SPP2: variants seen among roughly 807,000 people sequenced by gnomAD.
SPP2 encodes secreted phosphoprotein 2.
A neutral mutation model predicts 28.8 loss-of-function variants in SPP2; 34 were observed. The ratio of observed to expected loss-of-function variants is 1.18; its 90% CI spans 0.90 to 1.57. The LOEUF is 1.57. SPP2 is among the 40% of genes most tolerant of loss of function. SPP2 has a pLI of 0.00. For missense variants in SPP2, 269 were observed against 263.9 expected, an observed-to-expected ratio of 1.02 and a Z score of -0.13; for synonymous variants, 96 against 89.4, an observed-to-expected ratio of 1.07 and a Z score of -0.42.
At chr2:234,051,978 G>A (rs547489421) in intron 2 of SPP2, among the ~76,000 whole-genome samples, 31 of 152,136 alleles carry the variant, frequency 2.0e-4, no homozygotes, top group Non-Finnish European at 4.1e-4. Context: ...TAGAGCACAT[G>A]GCTCATGATT....
At chr2:234,072,381 T>A (rs1014431002) in intron 7 of SPP2, among the ~76,000 whole-genome samples, 12 of 152,080 alleles carry the variant, frequency 7.9e-5, no homozygotes, top group African/African-American at 2.4e-4. Context: ...TTTTTATAAA[T>A]GTAAATGATA....
Position 234,051,014 on chromosome 2 carries a change from C to T in SPP2, c.129C>T (p.Ala43=). The T allele has an allele frequency of 1.2e-6, 2 of 1,613,970 alleles. No individual in the cohort carries two copies. The highest frequency in any genetic ancestry group is 1.7e-6 in the Non-Finnish European group (2 of 1,179,948). The change falls in exon 2 of 8, where the codon GCC becomes GCT. Residue 43 remains alanine, a synonymous_variant. Coordinates refer to ENST00000168148, the MANE Select transcript of SPP2 (RefSeq NM_006944.3). The part of the protein sequence containing the change: ...YDYDPSSLRD[A]LSASVVKVNS... ...ACGATCCATCCTCCTTAAGGGATGC[C>T]CTCAGTGCCTCTGTGGTAAAAGTGA... is the stretch of plus-strand genomic sequence containing the variant.
In SPP2 at chr2:234,050,744, C is replaced by A; in HGVS notation, c.-43C>A. ...GCTCCTCTTAGGAAGAACTGTCATC[C>A]CCAAACACATAGAGAGACACTCTCT... On this transcript the variant is annotated 5_prime_UTR_variant, in exon 1 of 8. Coordinates refer to ENST00000168148, the MANE Select transcript of SPP2 (RefSeq NM_006944.3). The A allele has an allele frequency of 6.4e-7, 1 of 1,571,400 alleles. No individual in the cohort carries two copies. Among genetic ancestry groups the A allele is most frequent in the Non-Finnish European group, 8.8e-7 (1 of 1,142,152 alleles).
chr2:234,050,928 C>T, intron 1 of SPP2, 43 bp from the exon 2 acceptor site: 1 of 1,613,936 alleles, frequency 6.2e-7, no homozygotes, highest in South Asian at 1.1e-5. Flanking sequence ...CATGCTGGCG[C>T]CTGTGTCTTG....
At chr2:234,052,962 A>C (rs1313794804) in intron 2 of SPP2, among the ~76,000 whole-genome samples, 2 of 152,198 alleles carry the variant, frequency 1.3e-5, no homozygotes, top group Non-Finnish European at 1.5e-5. Flanking sequence ...CTACCCTAGC[A>C]GACATGAGGG....
intron 2 of SPP2, among the ~76,000 whole-genome samples, chr2:234,054,169 A>G (rs1337726409): frequency 1.3e-5 from 2 of 152,180 alleles, no homozygotes; most frequent in African/African-American, 4.8e-5. Context: ...GTGAGCTGGC[A>G]GAGTCAGTGG....
In SPP2 at chr2:234,074,426, C is replaced by T. The variant is rs28904016; in HGVS notation, c.*11-2419C>T. ...TCCACTTTCAGGTGTCAGACTCATT[C>T]GTGACAACTTCTTGTCATGGTCTCC... On this transcript the variant is annotated intron_variant, in intron 7 of 7. Coordinates refer to ENST00000168148, the MANE Select transcript of SPP2 (RefSeq NM_006944.3). Among the ~76,000 whole-genome samples the T allele has an allele frequency of 1.2e-3, 190 of 152,294 alleles. 1 individual carries two copies. The highest frequency in any genetic ancestry group is 4.3e-3 in the African/African-American group (178 of 41,562).
chr2:234,053,995 G>A (rs1387832317), intron 2 of SPP2, among the ~76,000 whole-genome samples: 1 of 152,222 alleles, frequency 6.6e-6, no homozygotes, highest in African/African-American at 2.4e-5. Context: ...ATTTCCAATA[G>A]TGGAGAGTAC....
chr2:234,064,564 T>A (rs1195785380), intron 4 of SPP2, among the ~76,000 whole-genome samples: 1 of 152,224 alleles, frequency 6.6e-6, no homozygotes, highest in Non-Finnish European at 1.5e-5. Flanking sequence ...AAATACATTT[T>A]GGTGGAGATA....
chr2:234,076,186 C>A (rs558908443), intron 7 of SPP2, among the ~76,000 whole-genome samples: 14 of 152,160 alleles, frequency 9.2e-5, no homozygotes, highest in Non-Finnish European at 1.6e-4. Flanking sequence ...CCCACACACC[C>A]GACAGTGTGC....
chr2:234,074,377 C>T lies in SPP2; in HGVS notation c.*11-2468C>T, dbSNP rs115998139. On this transcript the variant is annotated intron_variant, in intron 7 of 7. Coordinates refer to ENST00000168148, the MANE Select transcript of SPP2 (RefSeq NM_006944.3). ...GGACCGGTCCCTAAAACCTGCACCA[C>T]CACCGCCAGCTTTCTGAGTGATTTC... 6.1e-3 allele frequency among the ~76,000 whole-genome samples: 922 copies of T among 152,272 alleles called. 9 individuals are homozygous for T. Among genetic ancestry groups the T allele is most frequent in the African/African-American group, 0.021 (857 of 41,542 alleles).
At chr2:234,072,036 G>A (rs949111620) in intron 7 of SPP2, among the ~76,000 whole-genome samples, 1 of 152,102 alleles carries the variant, frequency 6.6e-6, no homozygotes, top group Middle Eastern at 3.2e-3. Context: ...CCACTGTCCC[G>A]CAGTGCCCTG....
chr2:234,059,110 T>G, intron 3 of SPP2, 152 bp downstream of exon 3: 1 of 912,212 alleles, frequency 1.1e-6, no homozygotes. Flanking sequence ...GTGGGGGAAG[T>G]GTTACTCCGT....
At chr2:234,058,221 T>A (rs1693645854) in intron 2 of SPP2, among the ~76,000 whole-genome samples, 1 of 152,210 alleles carries the variant, frequency 6.6e-6, no homozygotes, top group African/African-American at 2.4e-5. Context: ...CCTTGTGCTT[T>A]GGAACACTAG....
intron 2 of SPP2, among the ~76,000 whole-genome samples, chr2:234,053,679 C>T (rs898267412): frequency 6.6e-6 from 1 of 151,662 alleles, no homozygotes; most frequent in Admixed American, 6.6e-5. Flanking sequence ...TCCTGGGCTC[C>T]AAATTTGAGA....
intron 4 of SPP2, among the ~76,000 whole-genome samples, chr2:234,063,651 G>C (rs964874413): frequency 6.6e-5 from 10 of 152,180 alleles, no homozygotes; most frequent in African/African-American, 2.2e-4. Flanking sequence ...TCCTTATGGT[G>C]CATAAGCACT....
At chr2:234,072,847 T>A (rs1452797730) in intron 7 of SPP2, among the ~76,000 whole-genome samples, 1 of 152,128 alleles carries the variant, frequency 6.6e-6, no homozygotes, top group Non-Finnish European at 1.5e-5. Context: ...CTTCAAGGGT[T>A]TATTATTACT....
At chr2:234,053,703 G>C (rs1025325317) in intron 2 of SPP2, among the ~76,000 whole-genome samples, 1 of 151,846 alleles carries the variant, frequency 6.6e-6, no homozygotes, top group African/African-American at 2.4e-5. Flanking sequence ...GAGGAGAAAG[G>C]AAAAATCCAC....
intron 7 of SPP2, among the ~76,000 whole-genome samples, chr2:234,076,619 C>T (rs1294163500): frequency 2.0e-5 from 3 of 152,144 alleles, no homozygotes; most frequent in South Asian, 2.1e-4. Flanking sequence ...GCCCCACACC[C>T]GCACACGGTG....
Sources: gnomAD v4.1 joint callset for allele counts (sites outside exome capture counted in the v4.1 genomes callset) on GRCh38, gnomAD v4.1.1 for gene constraint, MANE v1.5 for transcripts, NCBI Gene and HGNC (gene_info 2026-07-23, HGNC 2026-07-21) for gene names.